Variants in CFAP70 observed in about 807,000 individuals in gnomAD.
The protein encoded by CFAP70 is cilia- and flagella-associated protein 70.
In CFAP70, 81 loss-of-function variants were observed where a neutral mutation model predicts 137.6. The ratio of observed to expected loss-of-function variants is 0.59; its 90% CI spans 0.49 to 0.71. CFAP70 has a LOEUF of 0.71. CFAP70 is among the 30% of genes least tolerant of loss of function. CFAP70 has a pLI of 0.00. For missense variants in CFAP70, 976 were observed against 1,226.7 expected (o/e 0.80, Z 3.05); for synonymous variants, 382 against 423.6 (o/e 0.90, Z 1.20).
chr10:73,262,565 A>T (rs1229524737), intron 25 of CFAP70, among the ~76,000 whole-genome samples: 1 of 152,190 alleles, frequency 6.6e-6, no homozygotes, highest in Admixed American at 6.5e-5. Flanking sequence ...GGTTGCTAAG[A>T]TCTGTATAAT....
intron 25 of CFAP70, 89 bp from the exon 27 acceptor site, chr10:73,256,505 T>G (rs1206810545): frequency 2.2e-6 from 3 of 1,348,124 alleles, no homozygotes; most frequent in Non-Finnish European, 3.2e-6. Context: ...CAGAGGCACC[T>G]ACACCTAAGG....
intron 19 of CFAP70, among the ~76,000 whole-genome samples, chr10:73,289,972 G>A (rs766571733): frequency 3.3e-5 from 5 of 149,726 alleles, no homozygotes; most frequent in Non-Finnish European, 5.9e-5. Context: ...TTGAACCTGG[G>A]AGGCAGAGGT....
intron 20 of CFAP70, 58 bp from the exon 22 acceptor site, chr10:73,277,419 A>G (rs1221715114): frequency 1.3e-6 from 2 of 1,578,126 alleles, no homozygotes; most frequent in African/African-American, 2.7e-5. Context: ...AGTGTCAGAA[A>G]TTCAGACACA....
chr10:73,333,630 C>T (rs950081852), intron 7 of CFAP70, among the ~76,000 whole-genome samples: 1 of 152,114 alleles, frequency 6.6e-6, no homozygotes, highest in African/African-American at 2.4e-5. Flanking sequence ...AAAAACCCGC[C>T]AACTTAGAAT....
intron 1 of CFAP70, among the ~76,000 whole-genome samples, chr10:73,357,172 T>C (rs2054744691): frequency 6.6e-6 from 1 of 152,184 alleles, no homozygotes; most frequent in African/African-American, 2.4e-5. Flanking sequence ...ATAGCCAGTG[T>C]GCCAAGTGTG....
intron 12 of CFAP70, among the ~76,000 whole-genome samples, chr10:73,308,132 G>T (rs1206047448): frequency 6.6e-6 from 1 of 152,062 alleles, no homozygotes; most frequent in Non-Finnish European, 1.5e-5. Context: ...TCCAGCCTGG[G>T]TGACAGAGCG....
intron 4 of CFAP70, 145 bp from the exon 6 acceptor site, chr10:73,345,389 G>C (rs1209301723): frequency 1.5e-5 from 11 of 743,094 alleles, no homozygotes; most frequent in African/African-American, 3.5e-5. Context: ...TGTTCTCTAA[G>C]TCCCATGAGT....
chr10:73,314,306 T>A (rs1349172163), intron 9 of CFAP70, among the ~76,000 whole-genome samples: 3 of 152,154 alleles, frequency 2.0e-5, no homozygotes, highest in Non-Finnish European at 4.4e-5. Flanking sequence ...ATAAATGCAG[T>A]TTATCAATTA....
chr10:73,281,790 C>T (rs2047274330), intron 19 of CFAP70, among the ~76,000 whole-genome samples: 1 of 152,206 alleles, frequency 6.6e-6, no homozygotes, highest in African/African-American at 2.4e-5. Context: ...AGTACATATA[C>T]ACCAAGGAGT....
chr10:73,328,140 G>A (rs1390499370), intron 8 of CFAP70, among the ~76,000 whole-genome samples: 2 of 152,108 alleles, frequency 1.3e-5, no homozygotes, highest in Non-Finnish European at 2.9e-5. Flanking sequence ...CCAAAACAGA[G>A]ATATAGATCA....
intron 12 of CFAP70, among the ~76,000 whole-genome samples, chr10:73,306,978 C>T (rs59065741): frequency 0.11 from 16,069 of 152,108 alleles, 1,224 homozygotes; most frequent in East Asian, 0.3. Context: ...CTCTTTCTCT[C>T]CTCTTTTTTT....
intron 19 of CFAP70, among the ~76,000 whole-genome samples, chr10:73,288,990 A>G (rs891250597): frequency 6.6e-6 from 1 of 152,226 alleles, no homozygotes; most frequent in Admixed American, 6.5e-5. Flanking sequence ...TGGCCAATGT[A>G]GACATAAGGT....
chr10:73,299,197 T>C (rs1409740509), intron 13 of CFAP70, 96 bp from the exon 15 acceptor site: 11 of 887,026 alleles, frequency 1.2e-5, no homozygotes, highest in African/African-American at 5.2e-5. Flanking sequence ...TCCATGATAC[T>C]TTATTAGTTT....
In CFAP70 at chr10:73,338,707, G is replaced by A. The variant is rs576587765; in HGVS notation, c.582+2692C>T. 7.2e-5 allele frequency among the ~76,000 whole-genome samples: 11 copies of A among 152,136 alleles called. No homozygotes were observed. In the East Asian group the frequency reaches 1.4e-3, roughly 19 times the overall value. ...GCCTCCCAAAGTGCTAGCATTACAG[G>A]TGTGAGCCACCATGTCTGGCCATGT... is the stretch of plus-strand genomic sequence containing the variant. On this transcript the variant is annotated intron_variant, in intron 6 of 26. Transcript: ENST00000310715.
chr10:73,297,826 T>C (rs1357510173), intron 14 of CFAP70, among the ~76,000 whole-genome samples: 1 of 152,216 alleles, frequency 6.6e-6, no homozygotes, highest in African/African-American at 2.4e-5. Flanking sequence ...CATATGACCT[T>C]ATGTGATAAT....
At chr10:73,279,440 C>T (rs1485799835) in intron 19 of CFAP70, among the ~76,000 whole-genome samples, 1 of 151,634 alleles carries the variant, frequency 6.6e-6, no homozygotes, top group African/African-American at 2.4e-5. Context: ...AGGAGAATGG[C>T]GTGAACCCGG....
intron 9 of CFAP70, among the ~76,000 whole-genome samples, chr10:73,318,093 G>C (rs1261786793): frequency 2.0e-5 from 3 of 152,158 alleles, no homozygotes; most frequent in Admixed American, 6.5e-5. Context: ...ACCCCCACTG[G>C]ATCATCTTTC....
At chr10:73,343,036 C>A (rs1446532533) in intron 5 of CFAP70, among the ~76,000 whole-genome samples, 1 of 151,952 alleles carries the variant, frequency 6.6e-6, no homozygotes, top group East Asian at 1.9e-4. Flanking sequence ...CGGTGAAACC[C>A]CATCTCTACT....
chr10:73,331,698 C>T (rs2052115477), intron 7 of CFAP70, among the ~76,000 whole-genome samples: 1 of 152,004 alleles, frequency 6.6e-6, no homozygotes, highest in Admixed American at 6.6e-5. Context: ...AATTTTTTTT[C>T]TTACTGGGTT....
Sources: allele counts gnomAD v4.1 joint callset (sites outside exome capture counted in the v4.1 genomes callset), GRCh38; gene constraint gnomAD v4.1.1; transcripts MANE v1.5; gene names NCBI Gene and HGNC (gene_info 2026-07-23, HGNC 2026-07-21).